ZNF792: variants seen among roughly 807,000 people sequenced by gnomAD.
The protein encoded by ZNF792 is zinc finger protein 792.
A neutral mutation model predicts 13.1 loss-of-function variants in ZNF792; 14 were observed. The ratio of observed to expected loss-of-function variants is 1.07; its 90% CI spans 0.71 to 1.67. The LOEUF is 1.67. Ranked by LOEUF, ZNF792 falls within the 40% of genes most tolerant of loss-of-function variation. ZNF792 has a pLI of 0.00. For synonymous variants in ZNF792, 257 were observed against 292.0 expected (o/e 0.88, Z 1.22); for missense variants, 740 against 807.9 (o/e 0.92, Z 1.02).
rs1017322898 is a variant in ZNF792, at chr19:34,960,798, A to G, written c.160+70T>C. ...AGCGGTCTGGCTGTGGGAAGGAAAG[A>G]GCTGTTTCTTGGGCAAAGGGGACAG... On this transcript the variant is annotated intron_variant, in intron 2 of 3. Transcript: ENST00000404801. 1.2e-5 allele frequency: 20 copies of G among 1,609,954 alleles called. No homozygotes were observed. In the African/African-American group the frequency reaches 2.7e-4, roughly 22 times the overall value.
Position 34,958,447 on chromosome 19 carries a change from G to A in ZNF792, c.1408C>T (p.Arg470Ter), listed in dbSNP as rs773290497. 27 of 1,605,074 alleles carry A rather than the reference G, an allele frequency of 1.7e-5. No individual in the cohort carries two copies. The Admixed American group carries it at 1.7e-4, about 10-fold the overall frequency. The change falls in exon 4 of 4, where the codon CGA becomes TGA. Residue 470 changes from arginine (R) to a stop codon, truncating the protein, a stop_gained. Transcript: ENST00000404801. LOFTEE classifies it low-confidence loss of function (END_TRUNC). Reference sequence around the variant, plus strand: ...TAAGGCCGCTCACCAGTGTGAACTCGCTGATGTTTCATGAGGTCAGAGCTT... The same window carrying A: ...TAAGGCCGCTCACCAGTGTGAACTCACTGATGTTTCATGAGGTCAGAGCTT... ...SRSSDLMKHQ[R>*]VHTGERPYEC...
rs1568552704 is a variant in ZNF792 at position 34,960,325 on chromosome 19, G to A, written c.193C>T (p.Gln65Ter). 4.3e-6 allele frequency: 7 copies of A among 1,613,626 alleles called. No homozygotes were observed. Among genetic ancestry groups the A allele is most frequent in the Middle Eastern group, 1.7e-4 (1 of 5,976 alleles). ...LISFRSHIVS[Q>*]LEMGKEPWVP... ...CAGGGCTCTTTCCCCATCTCCAACT[G>A]GGAAACGATGTGGGACCTGAAAGAT... is the stretch of plus-strand genomic sequence containing the variant. The change falls in exon 3 of 4, where the codon CAG (glutamine) becomes TAG (stop). Residue 65 changes from glutamine (Q) to a stop codon, truncating the protein, a stop_gained. Coordinates refer to ENST00000404801, the MANE Select transcript of ZNF792 (RefSeq NM_175872.5). LOFTEE classifies it high-confidence loss of function.
Position 34,958,123 on chromosome 19 carries a change from T to C in ZNF792, c.1732A>G (p.Ile578Val). Residue 578 changes from isoleucine to valine, a missense_variant, in exon 4 of 4, where the codon ATT (isoleucine) becomes GTT (valine). Ile to Val is a conservative substitution (Grantham distance 29). Transcript: ENST00000404801. Reference sequence around the variant, plus strand: ...CTGATGTGAATCTTCTGATGCCGAATGAGGGTAGGCCTTTGGTTGAAGGCT... The same window carrying C: ...CTGATGTGAATCTTCTGATGCCGAACGAGGGTAGGCCTTTGGTTGAAGGCT... ...GKAFNQRPTL[I>V]RHQKIHIRER... 1.2e-6 allele frequency: 2 copies of C among 1,613,586 alleles called. No homozygotes were observed. The highest frequency in any genetic ancestry group is 1.1e-5 in the South Asian group (1 of 90,980).
At chr19:34,962,818 T>C (rs1264489422) in intron 1 of ZNF792, among the ~76,000 whole-genome samples, 1 of 152,184 alleles carries the variant, frequency 6.6e-6, no homozygotes, top group Non-Finnish European at 1.5e-5. Flanking sequence ...TGGGGGTCTC[T>C]GGGACATCAC....
At position 34,964,026 on chromosome 19, in the gene ZNF792, G is replaced by A. The variant is rs1568553740; in HGVS notation, c.-364C>T. Reference sequence around the variant, plus strand: ...CCCCGCCCCCAACTCGGGGTCCCCAGCTCCTGGGGACTCAGCCTCCCCGCC... The same window carrying A: ...CCCCGCCCCCAACTCGGGGTCCCCAACTCCTGGGGACTCAGCCTCCCCGCC... On this transcript the variant is annotated 5_prime_UTR_variant, in exon 1 of 4. Transcript: ENST00000404801. 1 of 260,414 alleles carries A rather than the reference G, an allele frequency of 3.8e-6. No homozygotes were observed. The highest frequency in any genetic ancestry group is 7.3e-6 in the Non-Finnish European group (1 of 137,852). The allele number at this position is 260,414 out of a possible 1,614,324, so 16.1% of individuals were successfully genotyped here.
chr19:34,960,440 G>A (rs948553154), intron 2 of ZNF792, 83 bp from the exon 3 acceptor site: 51 of 1,524,942 alleles, frequency 3.3e-5, no homozygotes, highest in East Asian at 1.9e-4. Flanking sequence ...AGGAAGCTCC[G>A]TATGACACAG....
intron 3 of ZNF792, 22 bp downstream of exon 3, chr19:34,960,213 C>T: frequency 1.2e-6 from 2 of 1,612,640 alleles, no homozygotes; most frequent in Non-Finnish European, 8.5e-7. Context: ...CACATCCTCC[C>T]CTAGCTCCCA....
rs1176072497 is a variant in ZNF792, at chr19:34,963,633, C to A, written c.30G>T (p.Ala10=). 1 of 1,602,498 alleles carries A rather than the reference C, an allele frequency of 6.2e-7. No homozygotes were observed. Among genetic ancestry groups the A allele is most frequent in the Non-Finnish European group, 8.5e-7 (1 of 1,175,554 alleles). MAAAALRDP[A]QGCVTFEDVT... ...GGCCTAACGTCCAAGCACTCACCTG[C>A]GCGGGGTCCCGCAGCGCCGCCGCTG... The change falls in exon 1 of 4, where the codon GCG becomes GCT. Residue 10 remains alanine, a synonymous_variant. Coordinates refer to ENST00000404801, the MANE Select transcript of ZNF792 (RefSeq NM_175872.5).
rs746351668 is a variant in ZNF792 at position 34,958,634 on chromosome 19, G to A, written c.1221C>T (p.Ser407=). The change falls in exon 4 of 4, where the codon TCC becomes TCT. Residue 407 remains serine, a synonymous_variant. Transcript: ENST00000404801. The part of the protein sequence containing the change: ...SECGKSFNCN[S]SLIKHWRVHT... ...GAACTCTCCAATGTTTAATTAGGCT[G>A]GAGTTGCAGTTGAAAGATTTCCCAC... The A allele has an allele frequency of 1.2e-6, 2 of 1,613,742 alleles. No homozygotes were observed. The highest frequency in any genetic ancestry group is 1.1e-5 in the South Asian group (1 of 91,032).
chr19:34,959,339 A>G lies in ZNF792; in HGVS notation c.516T>C (p.Ser172=), dbSNP rs2151682354. Residue 172 remains serine (S), a synonymous_variant, in exon 4 of 4, where the codon AGT becomes AGC. Coordinates refer to ENST00000404801, the MANE Select transcript of ZNF792 (RefSeq NM_175872.5). ...CEAYVKGSEF[S]ANLPRKQVQQ... ...GCACCTGTTTCCGGGGAAGGTTTGC[A>G]CTGAACTCAGAGCCTTTCACATATG... 1 of 1,614,036 alleles carries G rather than the reference A, an allele frequency of 6.2e-7. No homozygotes were observed. Among genetic ancestry groups the G allele is most frequent in the South Asian group, 1.1e-5 (1 of 91,086 alleles).
chr19:34,960,467 C>T (rs546697679), intron 2 of ZNF792, 110 bp from the exon 3 acceptor site: 129 of 1,373,014 alleles, frequency 9.4e-5, no homozygotes, highest in Middle Eastern at 5.2e-4. Context: ...TGGGTGGTCA[C>T]GGCAAGCAGT....
intron 1 of ZNF792, 22 bp from the exon 2 acceptor site, chr19:34,961,016 G>A (rs370043344): frequency 2.0e-4 from 328 of 1,603,852 alleles, no homozygotes; most frequent in South Asian, 6.0e-4. Flanking sequence ...GGGACAGTTC[G>A]TTCCATGATC....
chr19:34,958,586 C>T lies in ZNF792; in HGVS notation c.1269G>A (p.Lys423=). The T allele has an allele frequency of 1.2e-6, 2 of 1,607,008 alleles. No individual in the cohort carries two copies. The highest frequency in any genetic ancestry group is 1.7e-6 in the Non-Finnish European group (2 of 1,175,808). Residue 423 remains lysine, a synonymous_variant, in exon 4 of 4, where the codon AAG becomes AAA. Coordinates refer to ENST00000404801, the MANE Select transcript of ZNF792 (RefSeq NM_175872.5). The part of the protein sequence containing the change: ...WRVHTGERPY[K]CNECGKFFSH... ...TGAAGAATTTCCCACATTCGTTACA[C>T]TTGTAAGGTCTTTCTCCAGTGTGAA...
chr19:34,960,056 G>GACATTGGGTGGTCACGGCAAGCAGTAA (rs2013503006), intron 3 of ZNF792, among the ~76,000 whole-genome samples, 179 bp downstream of exon 3: 1 of 152,232 alleles, frequency 6.6e-6, no homozygotes, highest in East Asian at 1.9e-4. Flanking sequence ...CAGCCAAGGG[G>GACATTGGGTGGTCACGGCAAGCAGTAA]CCCAACTCAG....
intron 1 of ZNF792, among the ~76,000 whole-genome samples, chr19:34,961,708 C>T (rs373293106): frequency 2.6e-5 from 4 of 152,106 alleles, no homozygotes; most frequent in African/African-American, 4.8e-5. Flanking sequence ...TCATCACTCA[C>T]ACTCATTTAA....
rs1045810982 is a variant in ZNF792 at position 34,957,766 on chromosome 19, G to C, written c.*190C>G. On this transcript the variant is annotated 3_prime_UTR_variant, in exon 4 of 4. Coordinates refer to ENST00000404801, the MANE Select transcript of ZNF792 (RefSeq NM_175872.5). ...CAGACTACTCCTAATTCCCTTTAGG[G>C]ATTGGAAAGAGAGAGGAGAGGTCTG... is the stretch of plus-strand genomic sequence containing the variant. 3 of 585,422 alleles carry C rather than the reference G, an allele frequency of 5.1e-6. No homozygotes were observed. The highest frequency in any genetic ancestry group is 8.8e-6 in the Non-Finnish European group (3 of 340,290). 36.3% of individuals were successfully genotyped at this position (585,422 alleles called of 1,614,324 possible).
In ZNF792 at chr19:34,959,306, G is replaced by A. The variant is rs567305781; in HGVS notation, c.549C>T (p.Asn183=). The change falls in exon 4 of 4, where the codon AAC becomes AAT. Residue 183 remains asparagine (N), a synonymous_variant. Coordinates refer to ENST00000404801, the MANE Select transcript of ZNF792 (RefSeq NM_175872.5). ...CCTCCGTTCTGATAGGGTTGTGTACGTTCTGCTGCACCTGTTTCCGGGGAA... is the reference window on the plus strand; with the variant it reads ...CCTCCGTTCTGATAGGGTTGTGTACATTCTGCTGCACCTGTTTCCGGGGAA... ...ANLPRKQVQQ[N]VHNPIRTEEG... is the part of the protein sequence containing the mutation. 7.2e-5 allele frequency: 117 copies of A among 1,614,038 alleles called. No individual in the cohort carries two copies. The East Asian group carries it at 7.8e-4, about 11-fold the overall frequency.
In ZNF792 at chr19:34,960,737, C is replaced by G. The variant is rs1046024820; in HGVS notation, c.160+131G>C. 8.5e-6 allele frequency: 12 copies of G among 1,413,208 alleles called. No individual in the cohort carries two copies. The African/African-American group carries it at 1.7e-4, about 20-fold the overall frequency. The allele number at this position is 1,413,208 out of a possible 1,614,324, so 87.5% of individuals were successfully genotyped here. On this transcript the variant is annotated intron_variant, in intron 2 of 3. Coordinates refer to ENST00000404801, the MANE Select transcript of ZNF792 (RefSeq NM_175872.5). ...CATAGCTCAGCCCCAGAAGCCACAA[C>G]ACACATACCAGGAAAGTGGGGATGG...
At position 34,959,039 on chromosome 19, in the gene ZNF792, G is replaced by T. The variant is rs1444504401; in HGVS notation, c.816C>A (p.His272Gln). The T allele has an allele frequency of 1.2e-6, 2 of 1,614,014 alleles. No homozygotes were observed. The highest frequency in any genetic ancestry group is 1.7e-6 in the Non-Finnish European group (2 of 1,179,972). The change falls in exon 4 of 4, where the codon CAC (histidine) becomes CAA (glutamine). Residue 272 changes from histidine (H) to glutamine (Q), a missense_variant. Physicochemically the swap from His to Gln is conservative, Grantham distance 24. Coordinates refer to ENST00000404801, the MANE Select transcript of ZNF792 (RefSeq NM_175872.5). ...GCCTTTCTCTGCTGTGGATTCTCTG[G>T]TGCTGAACAAGAGTGGATTTGTTAT... ...AFNNKSTLVQ[H>Q]QRIHSRERPY...
Sources: gnomAD v4.1 joint callset for allele counts (sites outside exome capture counted in the v4.1 genomes callset) on GRCh38, gnomAD v4.1.1 for gene constraint, MANE v1.5 for transcripts, NCBI Gene and HGNC (gene_info 2026-07-23, HGNC 2026-07-21) for gene names.